Variants in LRRIQ1 observed in about 807,000 individuals in gnomAD.
LRRIQ1 encodes the protein leucine rich repeats and IQ motif containing 1, also known as leucine-rich repeat- and IQ domain-containing protein 1.
Under a neutral mutation model 211.9 loss-of-function variants are expected in LRRIQ1, and 210 were observed. The ratio of observed to expected loss-of-function variants is 0.99; its 90% CI spans 0.89 to 1.11. LRRIQ1 has a LOEUF of 1.11. Ranked by LOEUF, LRRIQ1 falls within the 50% of genes most tolerant of loss-of-function variation. The pLI is 0.00. For synonymous variants in LRRIQ1, 699 were observed against 650.1 expected (o/e 1.08, Z -1.14); for missense variants, 2,136 against 1,939.5 (o/e 1.10, Z -1.90).
chr12:85,114,227 G>C (rs1887403548), intron 15 of LRRIQ1, among the ~76,000 whole-genome samples: 1 of 152,036 alleles, frequency 6.6e-6, no homozygotes, highest in Admixed American at 6.6e-5. Flanking sequence ...GAAAATATCT[G>C]ATGGGTTGTT....
At chr12:85,132,796 GAAATAA>G (rs1428200937) in intron 18 of LRRIQ1, among the ~76,000 whole-genome samples, 1 of 150,990 alleles carries the variant, frequency 6.6e-6, no homozygotes, top group Non-Finnish European at 1.5e-5. Context: ...AAATAAAATA[GAAATAA>G]AAATAATTTT....
intron 14 of LRRIQ1, among the ~76,000 whole-genome samples, chr12:85,104,675 G>A (rs1886643188): frequency 6.6e-6 from 1 of 151,844 alleles, no homozygotes; most frequent in Admixed American, 6.6e-5. Flanking sequence ...ATATATCACA[G>A]TTTGTTTATC....
intron 19 of LRRIQ1, among the ~76,000 whole-genome samples, chr12:85,145,213 T>A (rs1650232784): frequency 6.6e-6 from 1 of 151,558 alleles, no homozygotes; most frequent in South Asian, 2.1e-4. Flanking sequence ...TAGCTCTAAG[T>A]TTAGGGAATA....
intron 11 of LRRIQ1, among the ~76,000 whole-genome samples, chr12:85,088,999 G>A (rs1885110989): frequency 6.6e-6 from 1 of 152,170 alleles, no homozygotes; most frequent in Non-Finnish European, 1.5e-5. Context: ...TGGTGAGAGA[G>A]GACATCCTTG....
intron 24 of LRRIQ1, among the ~76,000 whole-genome samples, chr12:85,215,734 A>C (rs76325541): frequency 6.6e-6 from 1 of 152,322 alleles, no homozygotes; most frequent in African/African-American, 2.4e-5. Context: ...CGATGTGGCC[A>C]CCAACAATGC....
intron 14 of LRRIQ1, among the ~76,000 whole-genome samples, chr12:85,106,279 T>C (rs1886777202): frequency 6.6e-6 from 1 of 152,202 alleles, no homozygotes; most frequent in Non-Finnish European, 1.5e-5. Flanking sequence ...AAGACAGATA[T>C]GAACCCGAAT....
intron 18 of LRRIQ1, among the ~76,000 whole-genome samples, chr12:85,130,992 T>C (rs1888710336): frequency 6.6e-6 from 1 of 151,424 alleles, no homozygotes; most frequent in Non-Finnish European, 1.5e-5. Flanking sequence ...GGTGGATCAC[T>C]TGAGGTCCAG....
chr12:85,140,103 C>T (rs1889419169), intron 19 of LRRIQ1, among the ~76,000 whole-genome samples: 1 of 151,258 alleles, frequency 6.6e-6, no homozygotes, highest in African/African-American at 2.4e-5. Flanking sequence ...TTTCTGGCTA[C>T]TTTCTATTCT....
chr12:85,153,792 A>C (rs1565872947), intron 22 of LRRIQ1, 34 bp downstream of exon 22: 1 of 1,320,752 alleles, frequency 7.6e-7, no homozygotes. Flanking sequence ...TAAATTAAAA[A>C]ATTGAGAGAT....
At chr12:85,118,548 C>T (rs1211581306) in intron 15 of LRRIQ1, among the ~76,000 whole-genome samples, 4 of 127,992 alleles carry the variant, frequency 3.1e-5, no homozygotes, top group Non-Finnish European at 6.7e-5. Flanking sequence ...TTATCTATCT[C>T]TTGTAATTAT....
intron 24 of LRRIQ1, among the ~76,000 whole-genome samples, chr12:85,181,895 G>T (rs1891996773): frequency 6.6e-6 from 1 of 151,918 alleles, no homozygotes; most frequent in African/African-American, 2.4e-5. Flanking sequence ...TTGAAACCAA[G>T]ATTCTGCATT....
intron 15 of LRRIQ1, among the ~76,000 whole-genome samples, chr12:85,114,883 C>A (rs1887464366): frequency 6.6e-6 from 1 of 152,128 alleles, no homozygotes; most frequent in Non-Finnish European, 1.5e-5. Context: ...TCAACTCAAA[C>A]TTTAAGCAGT....
chr12:85,251,700 A>C (rs1895947681), intron 1 of LRRIQ1, among the ~76,000 whole-genome samples: 1 of 151,302 alleles, frequency 6.6e-6, no homozygotes, highest in African/African-American at 2.4e-5. Flanking sequence ...TTTGAGGTCT[A>C]GTTTGTCCAT....
chr12:85,141,936 T>C (rs1889574964), intron 19 of LRRIQ1, among the ~76,000 whole-genome samples: 3 of 90,362 alleles, frequency 3.3e-5, no homozygotes, highest in African/African-American at 1.0e-4. Flanking sequence ...CATTCTTTCC[T>C]GCCATTAACA....
At chr12:85,052,147 T>C (rs1241340175) in intron 6 of LRRIQ1, 30 bp from the exon 7 acceptor site, 2 of 1,116,710 alleles carry the variant, frequency 1.8e-6, no homozygotes, top group Non-Finnish European at 2.6e-6. Flanking sequence ...TATTTGAGTA[T>C]AGTCATATTT....
At chr12:85,066,510 CTG>C (rs1882446698) in intron 9 of LRRIQ1, among the ~76,000 whole-genome samples, 1 of 151,372 alleles carries the variant, frequency 6.6e-6, no homozygotes, top group South Asian at 2.1e-4. Context: ...TTGTTATCCT[CTG>C]TATTTTCTGT....
At chr12:85,198,107 TTA>T (rs1893082156) in intron 24 of LRRIQ1, among the ~76,000 whole-genome samples, 1 of 119,298 alleles carries the variant, frequency 8.4e-6, no homozygotes, top group African/African-American at 3.3e-5. Flanking sequence ...ATTATATTAT[TTA>T]TATATAATAT....
chr12:85,269,797 A>G, the LRRIQ1 span, among the ~76,000 whole-genome samples: 3 of 152,034 alleles, frequency 2.0e-5, no homozygotes, highest in East Asian at 1.9e-4. Flanking sequence ...ATGCCTTTCT[A>G]TCTTAGACAG....
At chr12:85,254,488 T>G (rs1896032573) in intron 1 of LRRIQ1, among the ~76,000 whole-genome samples, 1 of 152,116 alleles carries the variant, frequency 6.6e-6, no homozygotes, top group Admixed American at 6.6e-5. Flanking sequence ...AATTTTCTAC[T>G]GCATATAGTG....
Sources: gnomAD v4.1 joint callset for allele counts (sites outside exome capture counted in the v4.1 genomes callset) on GRCh38, gnomAD v4.1.1 for gene constraint, MANE v1.5 for transcripts, NCBI Gene and HGNC (gene_info 2026-07-23, HGNC 2026-07-21) for gene names.